Variants in LRRTM4 observed in about 807,000 individuals in gnomAD.
LRRTM4 encodes leucine-rich repeat transmembrane neuronal protein 4.
Under a neutral mutation model 47.6 loss-of-function variants are expected in LRRTM4, and 25 were observed. That is an observed-to-expected ratio of 0.53 (90% confidence interval 0.38 to 0.73). LRRTM4 has a LOEUF of 0.73. Ranked by LOEUF, LRRTM4 falls within the 30% of genes least tolerant of loss-of-function variation. The pLI, the probability that LRRTM4 is intolerant of heterozygous loss-of-function variation, is 0.00. For synonymous variants in LRRTM4, 311 were observed against 269.5 expected, an observed-to-expected ratio of 1.15 and a Z score of -1.51; for missense variants, 638 against 713.4, an observed-to-expected ratio of 0.89 and a Z score of 1.20.
At chr2:77,000,879 T>G (rs112176952) in intron 3 of LRRTM4, among the ~76,000 whole-genome samples, 2,157 of 152,156 alleles carry the variant, frequency 0.014, 42 homozygotes, top group African/African-American at 0.048. Context: ...AGCAACACCT[T>G]GATTCTTGTA....
chr2:76,811,908 C>T (rs1670745758), intron 3 of LRRTM4, among the ~76,000 whole-genome samples: 1 of 152,108 alleles, frequency 6.6e-6, no homozygotes, highest in East Asian at 1.9e-4. Context: ...TTTCCTAGAT[C>T]TTACTCATTG....
intron 3 of LRRTM4, among the ~76,000 whole-genome samples, chr2:77,070,988 C>T (rs1360751368): frequency 6.6e-6 from 1 of 152,050 alleles, no homozygotes; most frequent in Non-Finnish European, 1.5e-5. Context: ...ACATTTGAAT[C>T]CCAAGTTACC....
intron 3 of LRRTM4, among the ~76,000 whole-genome samples, chr2:77,078,758 A>G (rs1680432921): frequency 1.3e-5 from 2 of 152,182 alleles, no homozygotes; most frequent in South Asian, 4.1e-4. Flanking sequence ...TTGCCTTTTC[A>G]TTAGGGAGAT....
chr2:76,820,699 G>T (rs1165383224), intron 3 of LRRTM4, among the ~76,000 whole-genome samples: 3 of 150,636 alleles, frequency 2.0e-5, no homozygotes, highest in Admixed American at 6.7e-5. Context: ...TAATTAAGAG[G>T]CTGAAACTCT....
intron 3 of LRRTM4, among the ~76,000 whole-genome samples, chr2:76,813,862 A>G (rs193020709): frequency 6.6e-6 from 1 of 152,144 alleles, no homozygotes; most frequent in African/African-American, 2.4e-5. Context: ...TTACATTACT[A>G]ATGCACTGGT....
chr2:77,103,018 G>A (rs1057083016), intron 3 of LRRTM4, among the ~76,000 whole-genome samples: 7 of 152,110 alleles, frequency 4.6e-5, no homozygotes, highest in Admixed American at 4.6e-4. Context: ...TGGTAGACAC[G>A]AGATTGAAGG....
At chr2:76,920,755 C>A (rs1243325918) in intron 3 of LRRTM4, among the ~76,000 whole-genome samples, 1 of 152,022 alleles carries the variant, frequency 6.6e-6, no homozygotes, top group Non-Finnish European at 1.5e-5. Flanking sequence ...ATGGTAGATT[C>A]TCAACAAATC....
At chr2:76,830,515 C>CGTTTGTGTGT (rs1671317535) in intron 3 of LRRTM4, among the ~76,000 whole-genome samples, 1 of 143,988 alleles carries the variant, frequency 6.9e-6, no homozygotes, top group South Asian at 2.2e-4. Flanking sequence ...GCAGTGTGTG[C>CGTTTGTGTGT]GTGTGTGTGT....
At chr2:76,857,579 T>G (rs927625973) in intron 3 of LRRTM4, among the ~76,000 whole-genome samples, 15 of 151,984 alleles carry the variant, frequency 9.9e-5, no homozygotes, top group Non-Finnish European at 1.6e-4. Context: ...AAATGGATAT[T>G]TGGGTTTTAA....
chr2:77,479,853 T>G (rs1382297373), intron 3 of LRRTM4, among the ~76,000 whole-genome samples: 4 of 152,164 alleles, frequency 2.6e-5, no homozygotes, highest in Non-Finnish European at 5.9e-5. Context: ...GCATGCTTTT[T>G]CTTCTCACAA....
chr2:77,493,930 C>T (rs1352186691), intron 3 of LRRTM4, among the ~76,000 whole-genome samples: 1 of 152,010 alleles, frequency 6.6e-6, no homozygotes, highest in East Asian at 1.9e-4. Context: ...ATTTAATAGG[C>T]AATTTACTTC....
intron 3 of LRRTM4, among the ~76,000 whole-genome samples, chr2:77,429,981 A>G (rs1459039571): frequency 2.0e-5 from 3 of 152,072 alleles, no homozygotes; most frequent in African/African-American, 7.2e-5. Flanking sequence ...CAGGGGAATC[A>G]CTTGGACCCA....
At chr2:77,489,610 TAGTC>T (rs1361771319) in intron 3 of LRRTM4, among the ~76,000 whole-genome samples, 2 of 152,226 alleles carry the variant, frequency 1.3e-5, no homozygotes, top group Non-Finnish European at 2.9e-5. Context: ...ATAATTATTT[TAGTC>T]AGCCTTGGAA....
chr2:76,847,240 T>C (rs190295114), intron 3 of LRRTM4, among the ~76,000 whole-genome samples: 1 of 152,290 alleles, frequency 6.6e-6, no homozygotes, highest in Admixed American at 6.5e-5. Context: ...TGCAACCCAC[T>C]CCTAACACAC....
At chr2:77,103,608 A>G (rs1189958948) in intron 3 of LRRTM4, among the ~76,000 whole-genome samples, 1 of 149,684 alleles carries the variant, frequency 6.7e-6, no homozygotes, top group Non-Finnish European at 1.5e-5. Context: ...TTTAGTTGGC[A>G]TTTTCAATGT....
At chr2:77,016,727 C>A (rs1215561864) in intron 3 of LRRTM4, among the ~76,000 whole-genome samples, 3 of 152,094 alleles carry the variant, frequency 2.0e-5, no homozygotes, top group Non-Finnish European at 4.4e-5. Flanking sequence ...TGAAGTGTTT[C>A]CTCTAGTGAA....
At chr2:77,047,799 A>T (rs1164973514) in intron 3 of LRRTM4, among the ~76,000 whole-genome samples, 1 of 152,070 alleles carries the variant, frequency 6.6e-6, no homozygotes, top group African/African-American at 2.4e-5. Context: ...TCAACTCATA[A>T]CATACAATAA....
chr2:77,082,484 G>A (rs1216381501), intron 3 of LRRTM4, among the ~76,000 whole-genome samples: 2 of 152,014 alleles, frequency 1.3e-5, no homozygotes, highest in Non-Finnish European at 2.9e-5. Flanking sequence ...AACTTCTGCT[G>A]TTGAGGACAA....
chr2:77,032,805 A>G (rs1678708883), intron 3 of LRRTM4, among the ~76,000 whole-genome samples: 1 of 152,108 alleles, frequency 6.6e-6, no homozygotes, highest in Non-Finnish European at 1.5e-5. Context: ...TGTTTCAATA[A>G]TGATATGTTT....
Sources: allele counts gnomAD v4.1 joint callset (sites outside exome capture counted in the v4.1 genomes callset), GRCh38; gene constraint gnomAD v4.1.1; transcripts MANE v1.5; gene names NCBI Gene and HGNC (gene_info 2026-07-23, HGNC 2026-07-21).